LOC128125817: variants seen among roughly 807,000 people sequenced by gnomAD.
the LOC128125817 span, among the ~76,000 whole-genome samples, chr1:41,590,614 G>A: frequency 6.6e-6 from 1 of 152,230 alleles, no homozygotes; most frequent in African/African-American, 2.4e-5. Context: ...ACATCTTTGA[G>A]CTTGTTACTT....
At chr1:41,598,727 C>T in the LOC128125817 span, among the ~76,000 whole-genome samples, 1 of 151,988 alleles carries the variant, frequency 6.6e-6, no homozygotes, top group African/African-American at 2.4e-5. Context: ...AGTATAGTAT[C>T]GATACAAAGA....
chr1:41,586,586 A>C, the LOC128125817 span, among the ~76,000 whole-genome samples: 1 of 151,494 alleles, frequency 6.6e-6, no homozygotes, highest in South Asian at 2.1e-4. Context: ...GGCTCCCCTC[A>C]TGCTCACACT....
chr1:41,604,896 G>T, the LOC128125817 span, among the ~76,000 whole-genome samples: 1 of 151,896 alleles, frequency 6.6e-6, no homozygotes, highest in African/African-American at 2.4e-5. Context: ...TTGAGCCCAG[G>T]AATTCGAGAC....
chr1:41,603,791 T>C, the LOC128125817 span, among the ~76,000 whole-genome samples: 1 of 152,270 alleles, frequency 6.6e-6, no homozygotes, highest in Non-Finnish European at 1.5e-5. Context: ...AAAGAATGTG[T>C]ATTCTGCTGC....
the LOC128125817 span, among the ~76,000 whole-genome samples, chr1:41,628,098 TAA>T: frequency 6.6e-6 from 1 of 152,304 alleles, no homozygotes; most frequent in Middle Eastern, 3.4e-3. Context: ...AATGCATATA[TAA>T]ACATAAGCTG....
the LOC128125817 span, among the ~76,000 whole-genome samples, chr1:41,603,128 G>A: frequency 3.7e-4 from 56 of 152,002 alleles, no homozygotes; most frequent in South Asian, 1.5e-3. Context: ...GTGTAGCGGC[G>A]CGATCTCTGC....
chr1:41,624,923 T>C, the LOC128125817 span, among the ~76,000 whole-genome samples: 7 of 152,178 alleles, frequency 4.6e-5, no homozygotes, highest in African/African-American at 1.7e-4. Flanking sequence ...CCCAGCACTT[T>C]GGGAGGCCGA....
the LOC128125817 span, among the ~76,000 whole-genome samples, chr1:41,619,454 ATG>A: frequency 6.6e-6 from 1 of 152,188 alleles, no homozygotes; most frequent in African/African-American, 2.4e-5. Context: ...GAGAGTGTGC[ATG>A]TGTGTGTAGT....
chr1:41,602,125 C>T, the LOC128125817 span, among the ~76,000 whole-genome samples: 263 of 151,896 alleles, frequency 1.7e-3, 1 homozygote, highest in African/African-American at 5.9e-3. Context: ...CCCTTTAATG[C>T]ACTATTTGGT....
the LOC128125817 span, among the ~76,000 whole-genome samples, chr1:41,604,481 C>T: frequency 3.9e-5 from 6 of 152,168 alleles, no homozygotes; most frequent in South Asian, 4.1e-4. Flanking sequence ...GTATTGTCAA[C>T]GTGATAGTAT....
chr1:41,587,276 T>C, the LOC128125817 span, among the ~76,000 whole-genome samples: 2 of 152,224 alleles, frequency 1.3e-5, no homozygotes, highest in African/African-American at 4.8e-5. Flanking sequence ...GATTGATATT[T>C]GTCAATGAAA....
chr1:41,625,237 A>G, the LOC128125817 span, among the ~76,000 whole-genome samples: 1 of 33,088 alleles, frequency 3.0e-5, no homozygotes, highest in Admixed American at 1.7e-4. Flanking sequence ...AACAAGAAAG[A>G]AAAAGGAATA....
At chr1:41,610,489 A>G in the LOC128125817 span, among the ~76,000 whole-genome samples, 2 of 152,150 alleles carry the variant, frequency 1.3e-5, no homozygotes, top group Non-Finnish European at 2.9e-5. Flanking sequence ...ATCCTACTGG[A>G]TGGTGGGAGG....
the LOC128125817 span, among the ~76,000 whole-genome samples, chr1:41,617,348 G>A: frequency 3.9e-5 from 6 of 152,140 alleles, no homozygotes; most frequent in Admixed American, 2.0e-4. Context: ...TTGGGCCATC[G>A]TCCTAATAAT....
chr1:41,622,715 A>G, the LOC128125817 span, among the ~76,000 whole-genome samples: 1 of 152,174 alleles, frequency 6.6e-6, no homozygotes, highest in Non-Finnish European at 1.5e-5. Flanking sequence ...TAGCAGGGTC[A>G]GATTTGTGTT....
chr1:41,625,412 C>T, the LOC128125817 span, among the ~76,000 whole-genome samples: 2 of 152,088 alleles, frequency 1.3e-5, no homozygotes, highest in South Asian at 4.1e-4. Context: ...GGCTATGTTC[C>T]AATAAAACTT....
At chr1:41,607,169 A>G in the LOC128125817 span, among the ~76,000 whole-genome samples, 2 of 151,970 alleles carry the variant, frequency 1.3e-5, no homozygotes, top group Non-Finnish European at 1.5e-5. Context: ...TATATCTTTC[A>G]CTATTTCTAC....
At chr1:41,585,377 T>C in the LOC128125817 span, 4 of 398,716 alleles carry the variant, frequency 1.0e-5, no homozygotes. Flanking sequence ...AAGACAGAGT[T>C]ACTGGGACTC....
At chr1:41,586,281 G>A in the LOC128125817 span, among the ~76,000 whole-genome samples, 1 of 152,178 alleles carries the variant, frequency 6.6e-6, no homozygotes, top group Non-Finnish European at 1.5e-5. Flanking sequence ...GCATCCTCAG[G>A]GCCCTCCTCC....
Sources: gnomAD v4.1 joint callset for allele counts (sites outside exome capture counted in the v4.1 genomes callset) on GRCh38, gnomAD v4.1.1 for gene constraint, MANE v1.5 for transcripts.